The following OR10A6 variants were observed in gnomAD, a reference collection of about 807,000 sequenced individuals.
The protein encoded by OR10A6 is olfactory receptor family 10 subfamily A member 6 (gene/pseudogene).
In OR10A6, 2 loss-of-function variants were observed where a neutral mutation model predicts 1.5. That is an observed-to-expected ratio of 1.31 (90% CI 0.54 to 4.13). The LOEUF (loss-of-function observed/expected upper bound fraction) is 4.13, where lower values mean the gene tolerates loss of function less well. Among genes scored for constraint, OR10A6 ranks in the 30% most tolerant of loss-of-function variants. OR10A6 has a pLI of 0.07. For missense variants in OR10A6, 492 were observed against 368.6 expected (o/e 1.33, Z -2.74); for synonymous variants, 169 against 137.3 (o/e 1.23, Z -1.61).
rs944417849 is a variant in OR10A6, at chr11:7,929,281, G to C, written c.-619C>G. 2 of 152,098 alleles carry C rather than the reference G, an allele frequency of 1.3e-5. No individual in the cohort carries two copies. The highest frequency in any genetic ancestry group is 4.8e-5 in the African/African-American group (2 of 41,410). 9.4% of individuals were successfully genotyped at this position (152,098 alleles called of 1,614,324 possible). A position where few individuals can be genotyped will look rare whatever the true frequency, so the allele number is the denominator to read the frequency against. ...GGTGACCTATAGACTATGTGAATTGGCTTCAAGCTTGCAGATTTCTGCCCA... is the reference window on the plus strand; with the variant it reads ...GGTGACCTATAGACTATGTGAATTGCCTTCAAGCTTGCAGATTTCTGCCCA... On this transcript the variant is annotated 5_prime_UTR_variant, in exon 4 of 4. Coordinates refer to ENST00000641238, the MANE Select transcript of OR10A6 (RefSeq NM_001004461.2).
Position 7,926,420 on chromosome 11 carries a change from T to C in OR10A6, c.*1298A>G, listed in dbSNP as rs1859401538. 1 of 152,184 alleles carries C rather than the reference T, an allele frequency of 6.6e-6. No homozygotes were observed. The highest frequency in any genetic ancestry group is 6.5e-5 in the Admixed American group (1 of 15,280). The allele number at this position is 152,184 out of a possible 1,614,324, so 9.4% of individuals were successfully genotyped here. The stretch of plus-strand genomic sequence containing the variant: ...GGTCAGGGGTCCCCAGCTTCCAAAG[T>C]GACTGAGAAGAAAAGTCCTGCATCA... On this transcript the variant is annotated 3_prime_UTR_variant, in exon 4 of 4. Coordinates refer to ENST00000641238, the MANE Select transcript of OR10A6 (RefSeq NM_001004461.2).
At position 7,924,822 on chromosome 11, in the gene OR10A6, C is replaced by T. The variant is rs567426627; in HGVS notation, c.*2896G>A. The T allele has an allele frequency of 5.3e-5, 8 of 152,266 alleles. No homozygotes were observed. The highest frequency in any genetic ancestry group is 3.3e-4 in the Admixed American group (5 of 15,290). The allele number at this position is 152,266 out of a possible 1,614,324, so 9.4% of individuals were successfully genotyped here. A position where few individuals can be genotyped will look rare whatever the true frequency, so the allele number is the denominator to read the frequency against. ...TCTCATTGCAAGATAGCTGCACTAT[C>T]TCTAGCCTCATGGCTTGTTTCAGGT... On this transcript the variant is annotated 3_prime_UTR_variant, in exon 4 of 4. Coordinates refer to ENST00000641238, the MANE Select transcript of OR10A6 (RefSeq NM_001004461.2).
At position 7,928,940 on chromosome 11, in the gene OR10A6, C is replaced by T. The variant is rs549915925; in HGVS notation, c.-278G>A. 35 of 330,320 alleles carry T rather than the reference C, an allele frequency of 1.1e-4. No homozygotes were observed. In the South Asian group the frequency reaches 1.4e-3, roughly 13 times the overall value. The allele number at this position is 330,320 out of a possible 1,614,324, so 20.5% of individuals were successfully genotyped here. ...GATATTATTTGAAAATTAAACATAG[C>T]CTTAATGGAAATATAAATACTTTAT... is the stretch of plus-strand genomic sequence containing the variant. On this transcript the variant is annotated 5_prime_UTR_variant, in exon 4 of 4. Coordinates refer to ENST00000641238, the MANE Select transcript of OR10A6 (RefSeq NM_001004461.2).
chr11:7,928,590 C>G lies in OR10A6; in HGVS notation c.73G>C (p.Gly25Arg), dbSNP rs746777354. The change falls in exon 4 of 4, where the codon GGG (glycine) becomes CGG (arginine). Residue 25 changes from glycine (G) to arginine (R), a missense_variant. Physicochemically the swap from Gly to Arg is moderately radical, Grantham distance 125. Coordinates refer to ENST00000641238, the MANE Select transcript of OR10A6 (RefSeq NM_001004461.2). ...LGFSNYPELQ[G>R]QLFVAFLVIY... The stretch of plus-strand genomic sequence containing the variant: ...ACCAGGAAAGCCACAAAGAGCTGCC[C>G]CTGGAGCTCAGGATAGTTAGAAAAG... 1.2e-6 allele frequency: 2 copies of G among 1,613,484 alleles called. No individual in the cohort carries two copies. Among genetic ancestry groups the G allele is most frequent in the African/African-American group, 2.7e-5 (2 of 74,874 alleles).
Position 7,927,257 on chromosome 11 carries a change from G to C in OR10A6, c.*461C>G, listed in dbSNP as rs191477156. On this transcript the variant is annotated 3_prime_UTR_variant, in exon 4 of 4. Transcript: ENST00000641238. ...CTTCTTGGCATACAACATAGTAGAG[G>C]GATAGGATGGGTGCTCAGGTCAGTC... The C allele has an allele frequency of 6.5e-6, 1 of 153,356 alleles. No individual in the cohort carries two copies. Among genetic ancestry groups the C allele is most frequent in the East Asian group, 1.9e-4 (1 of 5,210 alleles). The allele number at this position is 153,356 out of a possible 1,614,324, so 9.5% of individuals were successfully genotyped here.
chr11:7,928,870 G>T lies in OR10A6; in HGVS notation c.-208C>A. ...TCCAAATATAAAAAATAGAAATGAA[G>T]AATTCTGGCTCAGAGATCTTGTCAA... On this transcript the variant is annotated 5_prime_UTR_variant, in exon 4 of 4. Coordinates refer to ENST00000641238, the MANE Select transcript of OR10A6 (RefSeq NM_001004461.2). 1 of 405,616 alleles carries T rather than the reference G, an allele frequency of 2.5e-6. No homozygotes were observed. The highest frequency in any genetic ancestry group is 4.3e-6 in the Non-Finnish European group (1 of 230,356). The allele number at this position is 405,616 out of a possible 1,614,324, so 25.1% of individuals were successfully genotyped here.
chr11:7,925,877 G>T lies in OR10A6; in HGVS notation c.*1841C>A, dbSNP rs1675164594. On this transcript the variant is annotated 3_prime_UTR_variant, in exon 4 of 4. Coordinates refer to ENST00000641238, the MANE Select transcript of OR10A6 (RefSeq NM_001004461.2). Reference sequence around the variant, plus strand: ...GCAGCCAAATGCCTAGGCAGATGGGGTGGGTTCCTGGTGAAACCCCACCTC... The same window carrying T: ...GCAGCCAAATGCCTAGGCAGATGGGTTGGGTTCCTGGTGAAACCCCACCTC... 1.3e-5 allele frequency: 2 copies of T among 152,200 alleles called. No homozygotes were observed. Among genetic ancestry groups the T allele is most frequent in the South Asian group, 2.1e-4 (1 of 4,834 alleles). 9.4% of individuals were successfully genotyped at this position (152,200 alleles called of 1,614,324 possible).
Position 7,924,728 on chromosome 11 carries a change from C to G in OR10A6, c.*2990G>C, listed in dbSNP as rs10839933. 6.6e-6 allele frequency: 1 copy of G among 151,854 alleles called. No individual in the cohort carries two copies. The highest frequency in any genetic ancestry group is 2.4e-5 in the African/African-American group (1 of 41,332). 9.4% of individuals were successfully genotyped at this position (151,854 alleles called of 1,614,324 possible). ...ATAAGGTCACTACGCAATGCCGTCA[C>G]AGACCCAGGGGCCCTCTAGCTTTCC... On this transcript the variant is annotated 3_prime_UTR_variant, in exon 4 of 4. Coordinates refer to ENST00000641238, the MANE Select transcript of OR10A6 (RefSeq NM_001004461.2).
rs1014397113 is a variant in OR10A6 at position 7,925,045 on chromosome 11, T to C, written c.*2673A>G. ...TACATTACTGCCCTTAAGAAACTTGTTTTTTTTTTCTACTTAAAGAACAAA... is the reference window on the plus strand; with the variant it reads ...TACATTACTGCCCTTAAGAAACTTGCTTTTTTTTTCTACTTAAAGAACAAA... On this transcript the variant is annotated 3_prime_UTR_variant, in exon 4 of 4. Transcript: ENST00000641238. 6.9e-6 allele frequency: 1 copy of C among 145,754 alleles called. No individual in the cohort carries two copies. Among genetic ancestry groups the C allele is most frequent in the South Asian group, 2.4e-4 (1 of 4,124 alleles). 9.0% of individuals were successfully genotyped at this position (145,754 alleles called of 1,614,324 possible).
chr11:7,930,986 C>A lies in OR10A6; in HGVS notation c.-1883+1G>T, dbSNP rs1243813487. 1.3e-5 allele frequency: 2 copies of A among 152,186 alleles called. No homozygotes were observed. The highest frequency in any genetic ancestry group is 4.8e-5 in the African/African-American group (2 of 41,460). 9.4% of individuals were successfully genotyped at this position (152,186 alleles called of 1,614,324 possible). ...ATGATTTATGCATGCAAAGCACTTACACTTCTACTTATTGCCCGAACCTTT... is the reference window on the plus strand; with the variant it reads ...ATGATTTATGCATGCAAAGCACTTAAACTTCTACTTATTGCCCGAACCTTT... On this transcript the variant is annotated splice_donor_variant, in intron 2 of 3. Transcript: ENST00000641238. LOFTEE classifies it low-confidence loss of function (5UTR_SPLICE).
At position 7,928,869 on chromosome 11, in the gene OR10A6, A is replaced by G; in HGVS notation, c.-207T>C. The stretch of plus-strand genomic sequence containing the variant: ...TTCCAAATATAAAAAATAGAAATGA[A>G]GAATTCTGGCTCAGAGATCTTGTCA... On this transcript the variant is annotated 5_prime_UTR_variant, in exon 4 of 4. Coordinates refer to ENST00000641238, the MANE Select transcript of OR10A6 (RefSeq NM_001004461.2). The G allele has an allele frequency of 2.4e-6, 1 of 408,694 alleles. No individual in the cohort carries two copies. Among genetic ancestry groups the G allele is most frequent in the Non-Finnish European group, 4.3e-6 (1 of 232,086 alleles). The allele number at this position is 408,694 out of a possible 1,614,324, so 25.3% of individuals were successfully genotyped here. A position where few individuals can be genotyped will look rare whatever the true frequency, so the allele number is the denominator to read the frequency against.
At position 7,927,671 on chromosome 11, in the gene OR10A6, G is replaced by A; in HGVS notation, c.*47C>T. On this transcript the variant is annotated 3_prime_UTR_variant, in exon 4 of 4. Coordinates refer to ENST00000641238, the MANE Select transcript of OR10A6 (RefSeq NM_001004461.2). ...AATCTAAATTTATTAAATTTAGATT[G>A]AATACAGTCATGCAGTGACTAAATC... 8.1e-7 allele frequency: 1 copy of A among 1,232,392 alleles called. No homozygotes were observed. Among genetic ancestry groups the A allele is most frequent in the Non-Finnish European group, 1.2e-6 (1 of 865,334 alleles). 76.3% of individuals were successfully genotyped at this position (1,232,392 alleles called of 1,614,324 possible).
rs751713985 is a variant in OR10A6 at position 7,928,380 on chromosome 11, CA to C, written c.282del (p.Phe94LeufsTer41). 6.2e-7 allele frequency: 1 copy of C among 1,613,968 alleles called. No homozygotes were observed. Among genetic ancestry groups the C allele is most frequent in the South Asian group, 1.1e-5 (1 of 91,052 alleles). ...VLSTEKTTISFGGCFAQMYFI... is the reference protein window; with the variant it reads ...VLSTEKTTISXGGCFAQMYFI... ...AAATACATCTGTGCAAAACAGCCCC[CA>C]AAAGAAATTGTAGTTTTTTCAGTAG... On this transcript the variant is annotated frameshift_variant, in exon 4 of 4. Coordinates refer to ENST00000641238, the MANE Select transcript of OR10A6 (RefSeq NM_001004461.2). LOFTEE classifies it low-confidence loss of function (END_TRUNC).
In OR10A6 at chr11:7,925,716, CT is replaced by C. The variant is rs1859384078; in HGVS notation, c.*2001del. 5 of 152,218 alleles carry C rather than the reference CT, an allele frequency of 3.3e-5. No individual in the cohort carries two copies. The South Asian group carries it at 1.0e-3, about 32-fold the overall frequency. 9.4% of individuals were successfully genotyped at this position (152,218 alleles called of 1,614,324 possible). A position where few individuals can be genotyped will look rare whatever the true frequency, so the allele number is the denominator to read the frequency against. ...TTACATAAGTCTTACTTAATTGGTT[CT>C]TTTAAAAGCTATCAGAAGGAAATTT... On this transcript the variant is annotated 3_prime_UTR_variant, in exon 4 of 4. Transcript: ENST00000641238.
At position 7,927,584 on chromosome 11, in the gene OR10A6, C is replaced by T. The variant is rs1468177074; in HGVS notation, c.*134G>A. The T allele has an allele frequency of 1.5e-5, 9 of 595,278 alleles. No individual in the cohort carries two copies. The highest frequency in any genetic ancestry group is 8.0e-5 in the South Asian group (3 of 37,312). 36.9% of individuals were successfully genotyped at this position (595,278 alleles called of 1,614,324 possible). A position where few individuals can be genotyped will look rare whatever the true frequency, so the allele number is the denominator to read the frequency against. On this transcript the variant is annotated 3_prime_UTR_variant, in exon 4 of 4. Coordinates refer to ENST00000641238, the MANE Select transcript of OR10A6 (RefSeq NM_001004461.2). ...AACATATAAAGATGCTCCTGATATA[C>T]AATCAAACTTGGAGAACACAATAAA... is the stretch of plus-strand genomic sequence containing the variant.
rs1859507991 is a variant in OR10A6, at chr11:7,930,123, G to C, written c.-1461C>G. 6.6e-6 allele frequency: 1 copy of C among 150,566 alleles called. No homozygotes were observed. The highest frequency in any genetic ancestry group is 2.4e-5 in the African/African-American group (1 of 40,848). 9.3% of individuals were successfully genotyped at this position (150,566 alleles called of 1,614,324 possible). ...TTTAAACCAACATTTTTGAATAAATGAATTTTAAAATAAGAAAAACCTAGA... is the reference window on the plus strand; with the variant it reads ...TTTAAACCAACATTTTTGAATAAATCAATTTTAAAATAAGAAAAACCTAGA... On this transcript the variant is annotated 5_prime_UTR_variant, in exon 4 of 4. Transcript: ENST00000641238.
At position 7,928,429 on chromosome 11, in the gene OR10A6, C is replaced by A. The variant is rs772649746; in HGVS notation, c.234G>T (p.Met78Ile). The change falls in exon 4 of 4, where the codon ATG becomes ATT. Residue 78 changes from methionine to isoleucine, a missense_variant. By Grantham distance (10) the Met-to-Ile change is conservative. Coordinates refer to ENST00000641238, the MANE Select transcript of OR10A6 (RefSeq NM_001004461.2). ...VVDLSFSAVI[M>I]PEMLVVLSTE... ...TAGAGAGGACCACCAGCATTTCAGG[C>A]ATAATAACTGCACTGAAACTCAGGT... 3 of 1,613,434 alleles carry A rather than the reference C, an allele frequency of 1.9e-6. No individual in the cohort carries two copies. Among genetic ancestry groups the A allele is most frequent in the South Asian group, 1.1e-5 (1 of 91,016 alleles).
At position 7,929,755 on chromosome 11, in the gene OR10A6, T is replaced by TATATATATATATGC. The variant is rs55811645; in HGVS notation, c.-1094_-1093insGCATATATATATAT. The TATATATATATATGC allele has an allele frequency of 1.0e-5, 1 of 97,272 alleles. No individual in the cohort carries two copies. Among genetic ancestry groups the TATATATATATATGC allele is most frequent in the Non-Finnish European group, 2.2e-5 (1 of 44,964 alleles). The allele number at this position is 97,272 out of a possible 1,614,324, so 6.0% of individuals were successfully genotyped here. On this transcript the variant is annotated 5_prime_UTR_variant, in exon 4 of 4. It removes the in-frame stop codon of an upstream open reading frame in the 5' UTR. Coordinates refer to ENST00000641238, the MANE Select transcript of OR10A6 (RefSeq NM_001004461.2). Reference sequence around the variant, plus strand: ...ATATATATATATATATATATATATATACACACACATGCACACATATATATA... The same window carrying TATATATATATATGC: ...ATATATATATATATATATATATATATATATATATATATGCACACACACATGCACACATATATATA...
chr11:7,929,966 G>GTATA lies in OR10A6; in HGVS notation c.-1308_-1305dup, dbSNP rs1554906118. 39 of 57,212 alleles carry GTATA rather than the reference G, an allele frequency of 6.8e-4. 2 individuals are homozygous for GTATA. The highest frequency in any genetic ancestry group is 3.5e-3 in the South Asian group (5 of 1,432). 3.5% of individuals were successfully genotyped at this position (57,212 alleles called of 1,614,324 possible). A position where few individuals can be genotyped will look rare whatever the true frequency, so the allele number is the denominator to read the frequency against. On this transcript the variant is annotated 5_prime_UTR_variant, in exon 4 of 4. Coordinates refer to ENST00000641238, the MANE Select transcript of OR10A6 (RefSeq NM_001004461.2). ...TCTAGTAAGGTATGTGTATGTGTATGTATATATATATATATATATATATAT... is the reference window on the plus strand; with the variant it reads ...TCTAGTAAGGTATGTGTATGTGTATGTATATATATATATATATATATATATATAT...
Sources: gnomAD v4.1 joint callset for allele counts on GRCh38, gnomAD v4.1.1 for gene constraint, MANE v1.5 for transcripts, NCBI Gene and HGNC (gene_info 2026-07-23, HGNC 2026-07-21) for gene names.